PRKCE: variants seen among roughly 807,000 people sequenced by gnomAD.
PRKCE encodes protein kinase C epsilon, also known as protein kinase C epsilon type.
In PRKCE, 16 loss-of-function variants were observed where a neutral mutation model predicts 85.4. The observed-to-expected ratio is 0.19, with a 90% CI of 0.13 to 0.28. The LOEUF is 0.28. Among genes scored for constraint, PRKCE ranks in the 10% least tolerant of loss-of-function variants. The probability of loss-of-function intolerance (pLI) is 1.00; values close to 1 mark genes in which losing one functional copy is unlikely to be tolerated. For missense variants in PRKCE, 573 were observed against 975.2 expected (o/e 0.59, Z 5.49); for synonymous variants, 388 against 371.5 (o/e 1.04, Z -0.51).
At chr2:46,165,979 T>A (rs1436615932) in intron 14 of PRKCE, among the ~76,000 whole-genome samples, 1 of 152,198 alleles carries the variant, frequency 6.6e-6, no homozygotes, top group African/African-American at 2.4e-5. Flanking sequence ...AGGTAAGGCC[T>A]CCAGAGTGGG....
intron 1 of PRKCE, among the ~76,000 whole-genome samples, chr2:45,842,134 A>G (rs58838649): frequency 0.25 from 38,551 of 152,122 alleles, 5,078 homozygotes; most frequent in Non-Finnish European, 0.29. Flanking sequence ...GTCTTTAACT[A>G]CAAGAGGCCC....
intron 1 of PRKCE, among the ~76,000 whole-genome samples, chr2:45,818,380 A>C (rs1302476191): frequency 6.6e-6 from 1 of 152,202 alleles, no homozygotes; most frequent in Admixed American, 6.5e-5. Flanking sequence ...CCTCTGAGCC[A>C]TAAGGATAAC....
At chr2:45,912,977 T>G (rs1048724016) in intron 2 of PRKCE, among the ~76,000 whole-genome samples, 9 of 152,100 alleles carry the variant, frequency 5.9e-5, no homozygotes, top group Non-Finnish European at 1.2e-4. Flanking sequence ...ATCAAAAATA[T>G]CTGGAACTGG....
intron 2 of PRKCE, among the ~76,000 whole-genome samples, chr2:45,918,288 C>A (rs1199176617): frequency 6.6e-6 from 1 of 152,150 alleles, no homozygotes; most frequent in Non-Finnish European, 1.5e-5. Flanking sequence ...GCAGGTGGAG[C>A]CTTTCGTTCC....
At chr2:45,988,141 G>T (rs527261621) in intron 6 of PRKCE, among the ~76,000 whole-genome samples, 2 of 152,314 alleles carry the variant, frequency 1.3e-5, no homozygotes, top group East Asian at 3.9e-4. Flanking sequence ...CATGCTAGCA[G>T]GGCCTGCTAG....
chr2:45,892,294 TTAGA>T (rs1426284554), intron 2 of PRKCE, among the ~76,000 whole-genome samples: 1 of 152,206 alleles, frequency 6.6e-6, no homozygotes, highest in Non-Finnish European at 1.5e-5. Flanking sequence ...GCCTGTCCAC[TTAGA>T]TGGATGAAGC....
intron 2 of PRKCE, among the ~76,000 whole-genome samples, chr2:45,954,922 ATACTT>A (rs1700869103): frequency 6.6e-6 from 1 of 152,190 alleles, no homozygotes; most frequent in East Asian, 1.9e-4. Context: ...ACTATTGTCA[ATACTT>A]TAGTATTTCA....
chr2:45,834,487 C>A (rs1558729548), intron 1 of PRKCE, among the ~76,000 whole-genome samples: 1 of 152,174 alleles, frequency 6.6e-6, no homozygotes, highest in Admixed American at 6.5e-5. Context: ...TTCTGGTTTG[C>A]TCCTCCTGTC....
intron 2 of PRKCE, among the ~76,000 whole-genome samples, chr2:45,928,860 C>T (rs1698827229): frequency 6.6e-6 from 1 of 152,132 alleles, no homozygotes; most frequent in South Asian, 2.1e-4. Flanking sequence ...GACTATTCTG[C>T]AGCTGATGGA....
At chr2:45,947,409 A>G (rs1443337980) in intron 2 of PRKCE, among the ~76,000 whole-genome samples, 1 of 152,190 alleles carries the variant, frequency 6.6e-6, no homozygotes, top group Non-Finnish European at 1.5e-5. Context: ...GACTGTAGGG[A>G]TGATTACATG....
At chr2:45,827,377 T>G (rs1304518985) in intron 1 of PRKCE, among the ~76,000 whole-genome samples, 1 of 152,198 alleles carries the variant, frequency 6.6e-6, no homozygotes, top group Non-Finnish European at 1.5e-5. Context: ...GCTTGAACAG[T>G]TTTCAGATCC....
chr2:46,010,967 A>C, intron 10 of PRKCE: 1 of 1,388,896 alleles, frequency 7.2e-7, no homozygotes, highest in South Asian at 1.8e-5. Context: ...ACAAATGCTT[A>C]AAATTTCATA....
rs762369422 is a variant in PRKCE, at chr2:45,854,620, G to A, written c.412+11557G>A. Among the ~76,000 whole-genome samples, 66 of 152,214 alleles carry A rather than the reference G, an allele frequency of 4.3e-4. 1 individual carries two copies. The highest frequency in any genetic ancestry group is 4.8e-5 in the African/African-American group (2 of 41,460). ...GATTGCAAGGAAAGCATTAAGAGGC[G>A]ATGGTTAAGCCAATGCTCAGGATTT... On this transcript the variant is annotated intron_variant, in intron 2 of 14. Coordinates refer to ENST00000306156, the MANE Select transcript of PRKCE (RefSeq NM_005400.3).
rs1401708672 is a variant in PRKCE at position 45,774,497 on chromosome 2, C to G, written c.349-68503C>G. Among the ~76,000 whole-genome samples the G allele has an allele frequency of 6.6e-6, 1 of 152,194 alleles. No individual in the cohort carries two copies. On this transcript the variant is annotated intron_variant, in intron 1 of 14. Coordinates refer to ENST00000306156, the MANE Select transcript of PRKCE (RefSeq NM_005400.3). The surrounding 1 kb of genome is among the most constrained non-coding windows in gnomAD (Gnocchi z 4.3). ...CTCTTTTTGATAAATTCTCTTCCCT[C>G]CCTGTCTCTCCTGTCTCCTTTCCAT...
chr2:45,860,962 A>G (rs942695455), intron 2 of PRKCE, among the ~76,000 whole-genome samples: 2 of 152,224 alleles, frequency 1.3e-5, no homozygotes, highest in Non-Finnish European at 2.9e-5. Flanking sequence ...TCTGGGAACC[A>G]GTGAATAACG....
chr2:45,835,076 G>A (rs895906760), intron 1 of PRKCE, among the ~76,000 whole-genome samples: 6 of 152,128 alleles, frequency 3.9e-5, no homozygotes, highest in African/African-American at 9.7e-5. Context: ...GAATGTGCAC[G>A]CCTACACAGG....
chr2:46,105,508 G>A (rs909253576), intron 11 of PRKCE, among the ~76,000 whole-genome samples: 24 of 150,162 alleles, frequency 1.6e-4, no homozygotes, highest in African/African-American at 5.9e-4. Flanking sequence ...GAGATGTCAG[G>A]CAACCACAGA....
intron 1 of PRKCE, among the ~76,000 whole-genome samples, chr2:45,824,652 T>A (rs1306742529): frequency 6.6e-6 from 1 of 151,224 alleles, no homozygotes; most frequent in African/African-American, 2.4e-5. Flanking sequence ...TTATGGAAAA[T>A]TTCAAACATA....
intron 1 of PRKCE, among the ~76,000 whole-genome samples, chr2:45,798,352 G>A (rs1202962341): frequency 2.0e-5 from 3 of 152,218 alleles, no homozygotes; most frequent in Non-Finnish European, 4.4e-5. Flanking sequence ...TAGCAGAGCT[G>A]TGGTTTGGAT....
Sources: allele counts gnomAD v4.1 joint callset (sites outside exome capture counted in the v4.1 genomes callset), GRCh38; gene constraint gnomAD v4.1.1; non-coding constraint Gnocchi (gnomAD v3.1); transcripts MANE v1.5; gene names NCBI Gene and HGNC (gene_info 2026-07-23, HGNC 2026-07-21).